MPP7: variants seen among roughly 807,000 people sequenced by gnomAD.
MPP7 encodes MAGUK p55 subfamily member 7.
MPP7 carries 60 observed loss-of-function variants against 76.5 expected under a neutral mutation model. The ratio of observed to expected loss-of-function variants is 0.78; its 90% confidence interval spans 0.64 to 0.97. The LOEUF is 0.97. Ranked by LOEUF, MPP7 falls within the 50% of genes least tolerant of loss-of-function variation. The probability of loss-of-function intolerance (pLI) is 0.00; values close to 1 mark genes in which losing one functional copy is unlikely to be tolerated. For missense variants in MPP7, 641 were observed against 694.0 expected (o/e 0.92, Z 0.86); for synonymous variants, 237 against 244.5 (o/e 0.97, Z 0.29).
intron 2 of MPP7, among the ~76,000 whole-genome samples, chr10:28,207,491 C>A (rs1459985707): frequency 6.6e-6 from 1 of 151,974 alleles, no homozygotes; most frequent in East Asian, 1.9e-4. Context: ...ACAGACCAAC[C>A]TGGGCAACAC....
intron 5 of MPP7, among the ~76,000 whole-genome samples, chr10:28,135,121 C>G (rs1353181142): frequency 1.3e-5 from 2 of 152,124 alleles, no homozygotes; most frequent in African/African-American, 4.8e-5. Flanking sequence ...TATGACTGCC[C>G]CAGCATTGCA....
intron 6 of MPP7, among the ~76,000 whole-genome samples, chr10:28,129,361 GGA>G (rs1436342478): frequency 6.6e-6 from 1 of 151,990 alleles, no homozygotes; most frequent in Non-Finnish European, 1.5e-5. Context: ...AACAGAGTAT[GGA>G]GAATTTCAAG....
At position 28,120,676 on chromosome 10, in the gene MPP7, C is replaced by T. The variant is rs1834808217; in HGVS notation, c.616-8G>A. ...TGCTCCCTGAGACTGAGCCTGGTAACAGATAAAACAAGGAGTTATAAGAAA... is the reference window on the plus strand; with the variant it reads ...TGCTCCCTGAGACTGAGCCTGGTAATAGATAAAACAAGGAGTTATAAGAAA... On this transcript the variant is annotated splice_polypyrimidine_tract_variant and splice_region_variant and intron_variant, in intron 8 of 16. Transcript: ENST00000683449. 2 of 1,610,772 alleles carry T rather than the reference C, an allele frequency of 1.2e-6. No homozygotes were observed. The highest frequency in any genetic ancestry group is 1.7e-6 in the Non-Finnish European group (2 of 1,177,646).
chr10:28,184,542 C>G (rs1837165622), intron 3 of MPP7, among the ~76,000 whole-genome samples: 1 of 149,132 alleles, frequency 6.7e-6, no homozygotes. Context: ...AACTCTGTCT[C>G]TACTAAAAAT....
chr10:28,094,456 C>A (rs72801902), intron 11 of MPP7, among the ~76,000 whole-genome samples: 6,767 of 152,194 alleles, frequency 0.044, 208 homozygotes, highest in Middle Eastern at 0.11. Flanking sequence ...AGCTGCCTCA[C>A]AAGGTGGTTA....
At chr10:28,093,187 G>A (rs1853402622) in intron 11 of MPP7, among the ~76,000 whole-genome samples, 1 of 152,126 alleles carries the variant, frequency 6.6e-6, no homozygotes, top group African/African-American at 2.4e-5. Flanking sequence ...CTCATGAGAG[G>A]CAATTACAGA....
At chr10:28,158,785 C>G (rs1467675591) in intron 3 of MPP7, among the ~76,000 whole-genome samples, 1 of 152,174 alleles carries the variant, frequency 6.6e-6, no homozygotes, top group East Asian at 1.9e-4. Flanking sequence ...ACAAGCCATG[C>G]ACTGTAAGAG....
At chr10:28,140,937 C>T (rs976292615) in intron 5 of MPP7, among the ~76,000 whole-genome samples, 1 of 151,994 alleles carries the variant, frequency 6.6e-6, no homozygotes, top group African/African-American at 2.4e-5. Flanking sequence ...TCTCACAACC[C>T]AAATGTAAAA....
Position 28,054,254 on chromosome 10 carries a change from G to A in MPP7, c.1552-10C>T. The A allele has an allele frequency of 6.6e-7, 1 of 1,518,140 alleles. No individual in the cohort carries two copies. 94.0% of individuals were successfully genotyped at this position (1,518,140 alleles called of 1,614,324 possible). A position where few individuals can be genotyped will look rare whatever the true frequency, so the allele number is the denominator to read the frequency against. The stretch of plus-strand genomic sequence containing the variant: ...CTTGAAAATCTTCTTCCTACAAAAG[G>A]AAGTATTAAAAAAATAATTGGTTAA... On this transcript the variant is annotated splice_polypyrimidine_tract_variant and intron_variant, in intron 16 of 16. Coordinates refer to ENST00000683449, the MANE Select transcript of MPP7 (RefSeq NM_001318170.2).
At chr10:28,334,153 A>G (rs760645785) in intron 1 of MPP7, among the ~76,000 whole-genome samples, 4 of 152,096 alleles carry the variant, frequency 2.6e-5, no homozygotes, top group Non-Finnish European at 5.9e-5. Context: ...GTGAGCCAAG[A>G]TCATGCCACT....
At chr10:28,252,637 C>T (rs1230239341) in intron 1 of MPP7, among the ~76,000 whole-genome samples, 3 of 152,176 alleles carry the variant, frequency 2.0e-5, no homozygotes, top group Non-Finnish European at 2.9e-5. Context: ...AGAAGTACAC[C>T]TGTATCTAAC....
At chr10:28,147,439 G>T in intron 5 of MPP7, 44 bp downstream of exon 5, 1 of 1,456,788 alleles carries the variant, frequency 6.9e-7, no homozygotes, top group Non-Finnish European at 9.6e-7. Context: ...CTCAGAAAGT[G>T]GCCCTGTTTG....
chr10:28,172,037 A>G (rs1363296518), intron 3 of MPP7, among the ~76,000 whole-genome samples: 1 of 152,210 alleles, frequency 6.6e-6, no homozygotes, highest in Non-Finnish European at 1.5e-5. Flanking sequence ...GCAGCACAAG[A>G]GCCTGTGCTA....
intron 15 of MPP7, chr10:28,057,687 A>C: frequency 8.0e-7 from 1 of 1,252,984 alleles, no homozygotes; most frequent in South Asian, 1.3e-5. Context: ...ACAAGGGACT[A>C]ACACAGTGCC....
chr10:28,115,455 C>G (rs1018675785), intron 11 of MPP7, among the ~76,000 whole-genome samples: 3 of 152,092 alleles, frequency 2.0e-5, no homozygotes, highest in Non-Finnish European at 4.4e-5. Context: ...CAAGACCCCA[C>G]CAATATTAAG....
chr10:28,234,445 C>T (rs1838999980), intron 2 of MPP7, among the ~76,000 whole-genome samples: 2 of 152,154 alleles, frequency 1.3e-5, no homozygotes, highest in Admixed American at 1.3e-4. Flanking sequence ...ACACATGCTA[C>T]TGTAAGTGTG....
intron 1 of MPP7, among the ~76,000 whole-genome samples, chr10:28,275,973 GGT>G (rs1190696603): frequency 6.6e-6 from 1 of 151,482 alleles, no homozygotes; most frequent in Non-Finnish European, 1.5e-5. Flanking sequence ...GCACATAGTA[GGT>G]CTGCAATAAA....
At chr10:28,299,142 G>C (rs1179987010) in intron 1 of MPP7, among the ~76,000 whole-genome samples, 1 of 152,124 alleles carries the variant, frequency 6.6e-6, no homozygotes, top group Non-Finnish European at 1.5e-5. Context: ...CCTTTCCTTT[G>C]CATTCAGAGC....
chr10:28,216,972 A>T (rs1838329829), intron 2 of MPP7, among the ~76,000 whole-genome samples: 2 of 152,146 alleles, frequency 1.3e-5, no homozygotes, highest in Admixed American at 1.3e-4. Flanking sequence ...TTTAATACTC[A>T]AAGTCTTGAT....
Sources: allele counts gnomAD v4.1 joint callset (sites outside exome capture counted in the v4.1 genomes callset), GRCh38; gene constraint gnomAD v4.1.1; transcripts MANE v1.5; gene names NCBI Gene and HGNC (gene_info 2026-07-23, HGNC 2026-07-21).